CCDC146: variants seen among roughly 807,000 people sequenced by gnomAD.
The protein encoded by CCDC146 is coiled-coil domain containing 146.
CCDC146 carries 92 observed loss-of-function variants against 119.3 expected under a neutral mutation model. That is an observed-to-expected ratio of 0.77 (90% confidence interval 0.65 to 0.92). The LOEUF is 0.92. Among genes scored for constraint, CCDC146 ranks in the 40% least tolerant of loss-of-function variants. CCDC146 has a pLI of 0.00. For synonymous variants in CCDC146, 372 were observed against 371.8 expected, an observed-to-expected ratio of 1.00 and a Z score of -0.01; for missense variants, 1,000 against 1,103.0, an observed-to-expected ratio of 0.91 and a Z score of 1.32.
At chr7:77,234,988 T>C (rs1355925802) in intron 2 of CCDC146, among the ~76,000 whole-genome samples, 3 of 152,178 alleles carry the variant, frequency 2.0e-5, no homozygotes, top group Non-Finnish European at 4.4e-5. Flanking sequence ...AACATTTTTC[T>C]ACCCTGATGC....
At chr7:77,160,171 G>A (rs1158942521) in intron 1 of CCDC146, among the ~76,000 whole-genome samples, 1 of 152,134 alleles carries the variant, frequency 6.6e-6, no homozygotes, top group Non-Finnish European at 1.5e-5. Context: ...GGTTACTGTA[G>A]CCTTGTAGTA....
intron 16 of CCDC146, 94 bp from the exon 17 acceptor site, chr7:77,287,346 G>A (rs188631727): frequency 7.7e-6 from 10 of 1,304,548 alleles, no homozygotes; most frequent in South Asian, 1.3e-5. Context: ...GGTATTTTGT[G>A]GGGGGTAGGG....
At chr7:77,128,126 A>C (rs1352050281) in intron 1 of CCDC146, among the ~76,000 whole-genome samples, 2 of 151,914 alleles carry the variant, frequency 1.3e-5, no homozygotes, top group African/African-American at 4.8e-5. Context: ...CTGTTCTGTT[A>C]TGAGGTTGCT....
intron 1 of CCDC146, among the ~76,000 whole-genome samples, chr7:77,153,857 A>G (rs1455141750): frequency 6.6e-6 from 1 of 152,042 alleles, no homozygotes; most frequent in African/African-American, 2.4e-5. Flanking sequence ...GTGTATGAGA[A>G]TATTTATGGA....
chr7:77,264,511 G>A (rs75118843), intron 9 of CCDC146, among the ~76,000 whole-genome samples: 14,115 of 152,092 alleles, frequency 0.093, 1,215 homozygotes, highest in East Asian at 0.42. Flanking sequence ...CATCTGCCTC[G>A]GCCTCCCCAA....
At chr7:77,174,884 G>A (rs543761019) in intron 2 of CCDC146, among the ~76,000 whole-genome samples, 2 of 152,322 alleles carry the variant, frequency 1.3e-5, no homozygotes, top group African/African-American at 4.8e-5. Flanking sequence ...ATACACAGGA[G>A]TGGGGTTAAT....
intron 14 of CCDC146, chr7:77,282,191 C>T (rs545032025): frequency 5.2e-6 from 1 of 192,358 alleles, no homozygotes; most frequent in Non-Finnish European, 1.1e-5. Context: ...TCTGGCCAGG[C>T]CTTGGTTGGC....
intron 1 of CCDC146, among the ~76,000 whole-genome samples, chr7:77,133,325 C>T (rs1186509666): frequency 2.0e-5 from 3 of 152,040 alleles, no homozygotes; most frequent in Non-Finnish European, 4.4e-5. Flanking sequence ...GAATGCTTTC[C>T]CTTTAAGATT....
chr7:77,172,538 G>T (rs1161243987), intron 2 of CCDC146, among the ~76,000 whole-genome samples: 1 of 152,190 alleles, frequency 6.6e-6, no homozygotes, highest in East Asian at 1.9e-4. Context: ...TGCAATGCAT[G>T]GGTGTCATGC....
At chr7:77,139,839 A>G (rs927845479) in intron 1 of CCDC146, among the ~76,000 whole-genome samples, 1 of 151,988 alleles carries the variant, frequency 6.6e-6, no homozygotes, top group Middle Eastern at 3.2e-3. Flanking sequence ...ATACAAGGTC[A>G]AAAACAAAAA....
intron 5 of CCDC146, among the ~76,000 whole-genome samples, chr7:77,256,049 T>C (rs1237373354): frequency 6.6e-6 from 1 of 152,112 alleles, no homozygotes; most frequent in African/African-American, 2.4e-5. Context: ...AAATGAAACG[T>C]TTTTAAATGT....
At chr7:77,276,466 CTTTAATA>C (rs1438888812) in intron 11 of CCDC146, among the ~76,000 whole-genome samples, 1 of 152,106 alleles carries the variant, frequency 6.6e-6, no homozygotes, top group East Asian at 1.9e-4. Flanking sequence ...TATTTTTCTA[CTTTAATA>C]TTTAAGAAAC....
At chr7:77,213,807 T>A (rs1333425448) in intron 2 of CCDC146, among the ~76,000 whole-genome samples, 3 of 152,236 alleles carry the variant, frequency 2.0e-5, no homozygotes, top group Non-Finnish European at 4.4e-5. Context: ...GATTTCATTC[T>A]TTTTTATGAC....
At chr7:77,287,080 T>C in intron 16 of CCDC146, 154 bp downstream of exon 16, 1 of 864,206 alleles carries the variant, frequency 1.2e-6, no homozygotes, top group Non-Finnish European at 1.8e-6. Flanking sequence ...TCATACATTC[T>C]AAGCTTGATT....
At chr7:77,273,112 C>T (rs1793557864) in intron 9 of CCDC146, among the ~76,000 whole-genome samples, 1 of 152,126 alleles carries the variant, frequency 6.6e-6, no homozygotes, top group Non-Finnish European at 1.5e-5. Flanking sequence ...TCATGGGTTC[C>T]AAGTCTACCT....
At chr7:77,210,511 T>G (rs1285234551) in intron 2 of CCDC146, among the ~76,000 whole-genome samples, 1 of 152,228 alleles carries the variant, frequency 6.6e-6, no homozygotes, top group East Asian at 1.9e-4. Context: ...GTTCCAAACT[T>G]TTCCTCATCT....
intron 1 of CCDC146, among the ~76,000 whole-genome samples, chr7:77,144,222 G>A (rs993467025): frequency 1.3e-5 from 2 of 151,580 alleles, no homozygotes; most frequent in African/African-American, 4.9e-5. Context: ...CTGTTTGTCT[G>A]TTATTGGTGT....
In CCDC146 at chr7:77,278,117, A is replaced by G. The variant is rs182146673; in HGVS notation, c.1441-635A>G. ...TTGCTTCAGTCTCTGACAAAACACC[A>G]CAGAGGGTTCAGTTTATAACACTCA... On this transcript the variant is annotated intron_variant, in intron 11 of 18. Transcript: ENST00000285871. 1.6e-3 allele frequency among the ~76,000 whole-genome samples: 238 copies of G among 152,322 alleles called. 2 individuals carry two copies. The highest frequency in any genetic ancestry group is 5.6e-3 in the African/African-American group (232 of 41,570).
At chr7:77,221,733 AG>A (rs1309250056) in intron 2 of CCDC146, among the ~76,000 whole-genome samples, 1 of 152,210 alleles carries the variant, frequency 6.6e-6, no homozygotes, top group East Asian at 1.9e-4. Context: ...CATAAAAATA[AG>A]TGCTCTCATG....
Sources: allele counts gnomAD v4.1 joint callset (sites outside exome capture counted in the v4.1 genomes callset), GRCh38; gene constraint gnomAD v4.1.1; transcripts MANE v1.5; gene names NCBI Gene and HGNC (gene_info 2026-07-23, HGNC 2026-07-21).